SLCO2B1: variants seen among roughly 807,000 people sequenced by gnomAD.
SLCO2B1 encodes OATP-RP2.
A neutral mutation model predicts 67.3 loss-of-function variants in SLCO2B1; 41 were observed. The ratio of observed to expected loss-of-function variants is 0.61; its 90% CI spans 0.47 to 0.79. The LOEUF is 0.79. Ranked by LOEUF, SLCO2B1 falls within the 30% of genes least tolerant of loss-of-function variation. SLCO2B1 has a pLI of 0.00. For missense variants in SLCO2B1, 837 were observed against 920.1 expected, an observed-to-expected ratio of 0.91 and a Z score of 1.17; for synonymous variants, 379 against 381.4, an observed-to-expected ratio of 0.99 and a Z score of 0.07.
At chr11:75,153,161 T>C (rs1949711514) in intron 1 of SLCO2B1, among the ~76,000 whole-genome samples, 1 of 152,162 alleles carries the variant, frequency 6.6e-6, no homozygotes, top group South Asian at 2.1e-4. Flanking sequence ...ATTTGCCCTG[T>C]TTTCCAACTC....
chr11:75,204,280 G>T (rs1055621792), intron 13 of SLCO2B1, 120 bp from the exon 14 acceptor site: 3 of 1,057,828 alleles, frequency 2.8e-6, no homozygotes, highest in Admixed American at 4.8e-5. Flanking sequence ...AAGAGCCACA[G>T]CAGAGGTCAA....
chr11:75,196,606 G>A lies in SLCO2B1; in HGVS notation c.1526G>A (p.Arg509His), dbSNP rs140407559. Reference sequence around the variant, plus strand: ...AACCCTGTCTGCGACCCCAGCACTCGTGTGGAATACATCACACCCTGCCAC... The same window carrying A: ...AACCCTGTCTGCGACCCCAGCACTCATGTGGAATACATCACACCCTGCCAC... The part of the protein sequence containing the change: ...GFNPVCDPST[R>H]VEYITPCHAG... The change falls in exon 10 of 14, where the codon CGT becomes CAT. Residue 509 changes from arginine (R) to histidine (H), a missense_variant. Arg to His is a conservative substitution (Grantham distance 29). Coordinates refer to ENST00000289575, the MANE Select transcript of SLCO2B1 (RefSeq NM_007256.5). The A allele has an allele frequency of 6.8e-4, 1,093 of 1,614,082 alleles. No homozygotes were observed. The highest frequency in any genetic ancestry group is 8.6e-4 in the Non-Finnish European group (1,015 of 1,180,038).
At chr11:75,199,094 C>T (rs1945144350) in intron 10 of SLCO2B1, among the ~76,000 whole-genome samples, 1 of 152,112 alleles carries the variant, frequency 6.6e-6, no homozygotes, top group African/African-American at 2.4e-5. Context: ...TTAGCATTTC[C>T]CTTTCTTGTC....
chr11:75,181,092 G>A (rs1010493619), intron 7 of SLCO2B1, among the ~76,000 whole-genome samples: 96 of 152,276 alleles, frequency 6.3e-4, no homozygotes, highest in African/African-American at 2.2e-3. Flanking sequence ...GCCAGGGCCG[G>A]TTGCCGTGGC....
At chr11:75,202,091 A>G (rs1252715924) in intron 11 of SLCO2B1, 1 of 152,234 alleles carries the variant, frequency 6.6e-6, no homozygotes, top group East Asian at 1.9e-4. Context: ...TACACATCTC[A>G]CAATATCACA....
Position 75,169,758 on chromosome 11 carries a change from C to T in SLCO2B1, c.775C>T (p.Pro259Ser). ...LRLYVDINQMPEGGISLTIKD... is the reference protein window; with the variant it reads ...LRLYVDINQMSEGGISLTIKD... ...CCTTTATGTGGACATTAACCAGATG[C>T]CAGAAGGTGAGCCTCAGGAGCACAT... Residue 259 changes from proline (P) to serine (S), a missense_variant, in exon 6 of 14, where the codon CCA becomes TCA. Coordinates refer to ENST00000289575, the MANE Select transcript of SLCO2B1 (RefSeq NM_007256.5). The T allele has an allele frequency of 1.2e-6, 2 of 1,613,570 alleles. No homozygotes were observed. Among genetic ancestry groups the T allele is most frequent in the Non-Finnish European group, 1.7e-6 (2 of 1,179,540 alleles).
rs376831108 is a variant in SLCO2B1, at chr11:75,174,483, T to C, written c.972+1914T>C. Among the ~76,000 whole-genome samples the C allele has an allele frequency of 8.6e-5, 13 of 152,016 alleles. No homozygotes were observed. The East Asian group carries it at 1.5e-3, about 18-fold the overall frequency. On this transcript the variant is annotated intron_variant, in intron 7 of 13. Coordinates refer to ENST00000289575, the MANE Select transcript of SLCO2B1 (RefSeq NM_007256.5). ...GAGGTGCATCTGGGAGCTACCCAGG[T>C]TGGGGACTGCACATAGCTGCCCTGC...
intron 1 of SLCO2B1, among the ~76,000 whole-genome samples, chr11:75,155,077 G>T (rs1378854169): frequency 6.6e-6 from 1 of 152,092 alleles, no homozygotes; most frequent in East Asian, 1.9e-4. Flanking sequence ...CTCAGCTCAG[G>T]GTCCCTGACT....
chr11:75,201,575 A>G (rs775078895), intron 11 of SLCO2B1: 5 of 152,126 alleles, frequency 3.3e-5, no homozygotes, highest in African/African-American at 9.7e-5. Flanking sequence ...TGTTTTACCA[A>G]TGATTCTGAC....
chr11:75,155,700 C>T (rs549840480), intron 1 of SLCO2B1, among the ~76,000 whole-genome samples: 16 of 152,254 alleles, frequency 1.1e-4, no homozygotes, highest in African/African-American at 1.4e-4. Flanking sequence ...TCAGGTGATC[C>T]GCCTGCTTCA....
chr11:75,173,252 A>G lies in SLCO2B1; in HGVS notation c.972+683A>G, dbSNP rs75279544. ...AAGAATTGGGAGGGTGGGTAGGATC[A>G]TCTGGGAAGACTTCCCTGAAGAGGA... On this transcript the variant is annotated intron_variant, in intron 7 of 13. Coordinates refer to ENST00000289575, the MANE Select transcript of SLCO2B1 (RefSeq NM_007256.5). Among the ~76,000 whole-genome samples the G allele has an allele frequency of 3.4e-3, 511 of 152,356 alleles. 4 individuals are homozygous for G. Among genetic ancestry groups the G allele is most frequent in the African/African-American group, 0.012 (495 of 41,578 alleles).
At chr11:75,169,918 G>C (rs1337597212) in intron 6 of SLCO2B1, 154 bp downstream of exon 6, 2 of 621,654 alleles carry the variant, frequency 3.2e-6, no homozygotes, top group South Asian at 1.9e-5. Flanking sequence ...TTTCTCATCT[G>C]TGAGATAATC....
At chr11:75,185,402 G>A (rs1280500665) in intron 7 of SLCO2B1, among the ~76,000 whole-genome samples, 4 of 152,154 alleles carry the variant, frequency 2.6e-5, no homozygotes, top group Non-Finnish European at 4.4e-5. Flanking sequence ...GGCCCTGGAC[G>A]TGGGGAAGCC....
At chr11:75,179,307 C>T (rs367711140) in intron 7 of SLCO2B1, among the ~76,000 whole-genome samples, 93 of 138,174 alleles carry the variant, frequency 6.7e-4, no homozygotes, top group African/African-American at 2.4e-3. Flanking sequence ...TCTTGGCTCA[C>T]TGCAACCTCC....
intron 7 of SLCO2B1, among the ~76,000 whole-genome samples, chr11:75,178,212 G>A (rs1950050643): frequency 6.6e-6 from 1 of 152,074 alleles, no homozygotes; most frequent in Non-Finnish European, 1.5e-5. Context: ...CAATATGGTG[G>A]CCCCACCATA....
rs1002725403 is a variant in SLCO2B1, at chr11:75,165,678, G to C, written c.286-109G>C. ...GAGGGACCCAGATGATTTTTATTCAGTCCATTATTCAGATGGGCATACGGA... is the reference window on the plus strand; with the variant it reads ...GAGGGACCCAGATGATTTTTATTCACTCCATTATTCAGATGGGCATACGGA... On this transcript the variant is annotated intron_variant, in intron 3 of 13. Coordinates refer to ENST00000289575, the MANE Select transcript of SLCO2B1 (RefSeq NM_007256.5). The C allele has an allele frequency of 8.1e-6, 10 of 1,239,324 alleles. No individual in the cohort carries two copies. The African/African-American group carries it at 1.5e-4, about 19-fold the overall frequency. The allele number at this position is 1,239,324 out of a possible 1,614,324, so 76.8% of individuals were successfully genotyped here.
At chr11:75,195,246 C>T (rs891278069) in intron 9 of SLCO2B1, among the ~76,000 whole-genome samples, 6 of 152,210 alleles carry the variant, frequency 3.9e-5, no homozygotes, top group African/African-American at 1.4e-4. Context: ...TAGCTCTTAT[C>T]TGCTCAGCTT....
At chr11:75,152,069 C>T (rs1335028318) in intron 1 of SLCO2B1, among the ~76,000 whole-genome samples, 1 of 152,176 alleles carries the variant, frequency 6.6e-6, no homozygotes, top group Non-Finnish European at 1.5e-5. Flanking sequence ...AGGTCTCTTA[C>T]TATAGAGTGG....
rs1002825204 is a variant in SLCO2B1, at chr11:75,204,646, C to T, written c.*66C>T. ...GCAGTACCTCCTCTGAGTCCTTTGC[C>T]CAAGATTGGGTGTCAAGAGCCCTGT... On this transcript the variant is annotated 3_prime_UTR_variant, in exon 14 of 14. Transcript: ENST00000289575. The T allele has an allele frequency of 7.0e-7, 1 of 1,438,636 alleles. No individual in the cohort carries two copies. The highest frequency in any genetic ancestry group is 1.4e-5 in the African/African-American group (1 of 70,008). 89.1% of individuals were successfully genotyped at this position (1,438,636 alleles called of 1,614,324 possible). A position where few individuals can be genotyped will look rare whatever the true frequency, so the allele number is the denominator to read the frequency against.
Sources: gnomAD v4.1 joint callset for allele counts (sites outside exome capture counted in the v4.1 genomes callset) on GRCh38, gnomAD v4.1.1 for gene constraint, MANE v1.5 for transcripts, NCBI Gene and HGNC (gene_info 2026-07-23, HGNC 2026-07-21) for gene names.